Variants in CBY1 observed in about 807,000 individuals in gnomAD.
CBY1 encodes the protein protein chibby homolog 1.
In CBY1, 10 loss-of-function variants were observed where a neutral mutation model predicts 15.6. The ratio of observed to expected loss-of-function variants is 0.64; its 90% CI spans 0.40 to 1.09. The LOEUF (loss-of-function observed/expected upper bound fraction) is 1.09. CBY1 is among the 50% of genes least tolerant of loss of function. The probability of loss-of-function intolerance (pLI) is 0.01; values close to 1 mark genes in which losing one functional copy is unlikely to be tolerated. For synonymous variants in CBY1, 61 were observed against 63.5 expected, an observed-to-expected ratio of 0.96 and a Z score of 0.19; for missense variants, 150 against 160.5, an observed-to-expected ratio of 0.93 and a Z score of 0.35.
At chr22:38,664,151 A>G (rs2092429768) in intron 1 of CBY1, among the ~76,000 whole-genome samples, 2 of 152,014 alleles carry the variant, frequency 1.3e-5, no homozygotes, top group African/African-American at 4.8e-5. Context: ...TACAAAATGA[A>G]CATGATAGAC....
Position 38,663,684 on chromosome 22 carries a change from G to A in CBY1, c.-38-4333G>A, listed in dbSNP as rs1471958283. ...GCACTTCAGCCTGGGCCACAAGAGCGAAACTCTGTCTCCAAAAAAAAAAAA... is the reference window on the plus strand; with the variant it reads ...GCACTTCAGCCTGGGCCACAAGAGCAAAACTCTGTCTCCAAAAAAAAAAAA... On this transcript the variant is annotated intron_variant, in intron 1 of 4. Coordinates refer to ENST00000216029, the MANE Select transcript of CBY1 (RefSeq NM_015373.4). 2.0e-4 allele frequency among the ~76,000 whole-genome samples: 22 copies of A among 111,542 alleles called. No homozygotes were observed. The South Asian group carries it at 5.6e-3, about 28-fold the overall frequency. The allele number at this position is 111,542 out of a possible 152,430, so 73.2% of individuals were successfully genotyped here.
chr22:38,661,996 TA>T (rs1297528733), intron 1 of CBY1, among the ~76,000 whole-genome samples: 1 of 152,116 alleles, frequency 6.6e-6, no homozygotes, highest in Non-Finnish European at 1.5e-5. Flanking sequence ...GTGTGCGTGA[TA>T]TAAATTAAAA....
rs1220273605 is a variant in CBY1 at position 38,673,202 on chromosome 22, T to C, written c.347T>C (p.Leu116Pro). 17 of 1,612,788 alleles carry C rather than the reference T, an allele frequency of 1.1e-5. No individual in the cohort carries two copies. The highest frequency in any genetic ancestry group is 1.4e-5 in the Non-Finnish European group (16 of 1,178,948). Residue 116 changes from leucine (L) to proline (P), a missense_variant, in exon 5 of 5, where the codon CTG becomes CCG. Coordinates refer to ENST00000216029, the MANE Select transcript of CBY1 (RefSeq NM_015373.4). ...GAATCCCACTTAATGGAGAAGGAAC[T>C]GGATGAACTGAGGATCAGCCGGAAG... ...TAESHLMEKE[L>P]DELRISRKRK
intron 1 of CBY1, among the ~76,000 whole-genome samples, chr22:38,663,369 C>T (rs1027394871): frequency 1.1e-4 from 17 of 151,610 alleles, no homozygotes; most frequent in Middle Eastern, 3.2e-3. Flanking sequence ...GCAGGAGAAT[C>T]GCTTGAACCC....
intron 4 of CBY1, among the ~76,000 whole-genome samples, chr22:38,672,859 C>A (rs1324933247): frequency 3.3e-5 from 5 of 152,198 alleles, no homozygotes; most frequent in Admixed American, 3.3e-4. Flanking sequence ...CTTAGCCTTA[C>A]AATCACCAGT....
intron 1 of CBY1, among the ~76,000 whole-genome samples, chr22:38,660,439 C>T (rs2092418864): frequency 6.6e-6 from 1 of 152,062 alleles, no homozygotes; most frequent in Admixed American, 6.6e-5. Flanking sequence ...AAGTGATCCA[C>T]CTGCCTCGGC....
At chr22:38,665,686 G>A (rs2092433856) in intron 1 of CBY1, 4 of 1,224,576 alleles carry the variant, frequency 3.3e-6, no homozygotes, top group Middle Eastern at 3.1e-4. Flanking sequence ...CAGTGGCCAG[G>A]TGAGGCTTAT....
At chr22:38,665,356 C>T (rs2092433012) in intron 1 of CBY1, among the ~76,000 whole-genome samples, 1 of 152,038 alleles carries the variant, frequency 6.6e-6, no homozygotes, top group African/African-American at 2.4e-5. Flanking sequence ...CCCAGCTACC[C>T]ATGAGGCTGA....
At chr22:38,661,454 G>A (rs2092422144) in intron 1 of CBY1, among the ~76,000 whole-genome samples, 1 of 152,246 alleles carries the variant, frequency 6.6e-6, no homozygotes, top group Admixed American at 6.5e-5. Context: ...GGGATTACAG[G>A]CGTGAGCCAC....
At chr22:38,663,240 A>C (rs192000047) in intron 1 of CBY1, among the ~76,000 whole-genome samples, 7 of 151,472 alleles carry the variant, frequency 4.6e-5, no homozygotes, top group Admixed American at 4.0e-4. Context: ...GTGGATCACG[A>C]GGTCAAGAGA....
intron 1 of CBY1, among the ~76,000 whole-genome samples, chr22:38,666,921 C>T (rs962569890): frequency 6.6e-6 from 1 of 152,040 alleles, no homozygotes; most frequent in East Asian, 1.9e-4. Flanking sequence ...CCAGGCTGGT[C>T]TCAAACTCCT....
chr22:38,662,076 C>T (rs1951489333), intron 1 of CBY1, among the ~76,000 whole-genome samples: 1 of 152,002 alleles, frequency 6.6e-6, no homozygotes, highest in South Asian at 2.1e-4. Flanking sequence ...CCAAGTTGGG[C>T]CAGTCGCTTG....
intron 1 of CBY1, among the ~76,000 whole-genome samples, chr22:38,666,253 C>CT (rs910866548): frequency 2.1e-5 from 3 of 140,578 alleles, no homozygotes; most frequent in Non-Finnish European, 3.1e-5. Context: ...CTTTTTTAAC[C>CT]TTTTTTTGGT....
At chr22:38,667,757 C>A (rs2092441184) in intron 1 of CBY1, 2 of 373,430 alleles carry the variant, frequency 5.4e-6, no homozygotes, top group East Asian at 1.1e-4. Flanking sequence ...TTGCCAGGAG[C>A]CCACGCCAGA....
At chr22:38,668,153 C>T (rs1054099963) in intron 2 of CBY1, 21 bp downstream of exon 2, 17 of 1,453,918 alleles carry the variant, frequency 1.2e-5, no homozygotes, top group South Asian at 3.4e-5. Context: ...GTACTGGGGT[C>T]GGCCGGGTGT....
At chr22:38,667,011 TTTA>T (rs957310604) in intron 1 of CBY1, among the ~76,000 whole-genome samples, 3 of 127,524 alleles carry the variant, frequency 2.4e-5, no homozygotes, top group African/African-American at 9.6e-5. Flanking sequence ...CATTTCTTTC[TTTA>T]TTTTTTTTTT....
chr22:38,672,478 GC>G (rs1915139775), intron 4 of CBY1, among the ~76,000 whole-genome samples: 1 of 151,788 alleles, frequency 6.6e-6, no homozygotes, highest in African/African-American at 2.4e-5. Context: ...ACCACGCTTG[GC>G]TAATTTTTGC....
In CBY1 at chr22:38,673,176, T is replaced by C. The variant is rs3747174; in HGVS notation, c.321T>C (p.Ala107=). 460,926 of 1,607,316 alleles carry C rather than the reference T, an allele frequency of 0.29. 67,420 individuals carry two copies. The highest frequency in any genetic ancestry group is 0.36 in the East Asian group (15,918 of 44,820). The change falls in exon 5 of 5, where the codon GCT becomes GCC. Residue 107 remains alanine, a synonymous_variant. Transcript: ENST00000216029. The stretch of plus-strand genomic sequence containing the variant: ...ACTTTCAGCTTTCAGAGTCCACTGC[T>C]GAATCCCACTTAATGGAGAAGGAAC... ...ILLDMLSEST[A]ESHLMEKELD... is the part of the protein sequence containing the mutation.
intron 1 of CBY1, among the ~76,000 whole-genome samples, chr22:38,664,131 T>C (rs2092429724): frequency 6.6e-6 from 1 of 151,952 alleles, no homozygotes; most frequent in African/African-American, 2.4e-5. Context: ...TAAATACCCT[T>C]ACAAACCCTT....
Sources: allele counts gnomAD v4.1 joint callset (sites outside exome capture counted in the v4.1 genomes callset), GRCh38; gene constraint gnomAD v4.1.1; transcripts MANE v1.5; gene names NCBI Gene and HGNC (gene_info 2026-07-23, HGNC 2026-07-21).